RNF166: variants seen among roughly 807,000 people sequenced by gnomAD.
RNF166 encodes the protein E3 ubiquitin-protein ligase RNF166.
In RNF166, 19 loss-of-function variants were observed where a neutral mutation model predicts 29.4. That is an observed-to-expected ratio of 0.65 (90% CI 0.45 to 0.95). The LOEUF (loss-of-function observed/expected upper bound fraction) is 0.95. Among genes scored for constraint, RNF166 ranks in the 40% least tolerant of loss-of-function variants. The probability of loss-of-function intolerance (pLI) is 0.00; values close to 1 mark genes in which losing one functional copy is unlikely to be tolerated. For synonymous variants in RNF166, 171 were observed against 134.5 expected, an observed-to-expected ratio of 1.27 and a Z score of -1.88; for missense variants, 347 against 322.1, an observed-to-expected ratio of 1.08 and a Z score of -0.59.
At chr16:88,705,302 C>A (rs1273918684) in intron 1 of RNF166, among the ~76,000 whole-genome samples, 1 of 152,200 alleles carries the variant, frequency 6.6e-6, no homozygotes, top group Admixed American at 6.5e-5. Flanking sequence ...CTGGGTGCAC[C>A]CCCCTCCACT....
rs1910579851 is a variant in RNF166 at position 88,704,600 on chromosome 16, G to C, written c.155+1571C>G. The C allele has an allele frequency of 1.1e-5, 11 of 982,482 alleles. No homozygotes were observed. In the Admixed American group the frequency reaches 6.8e-4, roughly 60 times the overall value. The allele number at this position is 982,482 out of a possible 1,614,324, so 60.9% of individuals were successfully genotyped here. On this transcript the variant is annotated intron_variant, in intron 1 of 5. Coordinates refer to ENST00000312838, the MANE Select transcript of RNF166 (RefSeq NM_178841.4). Reference sequence around the variant, plus strand: ...TGTTGGCACCCAAAGCCTACGGGAGGCTTTTCTAAAACAAGGCCTAAGTCA... The same window carrying C: ...TGTTGGCACCCAAAGCCTACGGGAGCCTTTTCTAAAACAAGGCCTAAGTCA...
intron 1 of RNF166, chr16:88,702,941 C>T (rs1910401998): frequency 1.0e-6 from 1 of 985,496 alleles, no homozygotes; most frequent in Non-Finnish European, 1.2e-6. Context: ...TACTCAGGCA[C>T]TCATGGCAGG....
At position 88,703,613 on chromosome 16, in the gene RNF166, G is replaced by A. The variant is rs1910487719; in HGVS notation, c.156-2195C>T. 3 of 985,384 alleles carry A rather than the reference G, an allele frequency of 3.0e-6. No homozygotes were observed. The Admixed American group carries it at 1.8e-4, about 61-fold the overall frequency. The allele number at this position is 985,384 out of a possible 1,614,324, so 61.0% of individuals were successfully genotyped here. A position where few individuals can be genotyped will look rare whatever the true frequency, so the allele number is the denominator to read the frequency against. ...CTGGTGTTCAGAGAGCCAGCAGCCG[G>A]GAGTAGTGCCCGCTTCCCCCACAGG... is the stretch of plus-strand genomic sequence containing the variant. On this transcript the variant is annotated intron_variant, in intron 1 of 5. Coordinates refer to ENST00000312838, the MANE Select transcript of RNF166 (RefSeq NM_178841.4).
intron 2 of RNF166, chr16:88,701,034 T>C: frequency 1.4e-6 from 2 of 1,379,364 alleles, no homozygotes; most frequent in Non-Finnish European, 9.5e-7. Context: ...GCTCTGACAG[T>C]GCTACCCCCA....
In RNF166 at chr16:88,706,265, C is replaced by T; in HGVS notation, c.61G>A (p.Ala21Thr). Residue 21 changes from alanine to threonine, a missense_variant, in exon 1 of 6, where the codon GCG becomes ACG. Transcript: ENST00000312838. ...AQQRQPPAGP[A>T]GGDSGLEAQY... is the part of the protein sequence containing the mutation. The stretch of plus-strand genomic sequence containing the variant: ...GCCTCCAGGCCGCTGTCGCCGCCCG[C>T]CGGCCCGGCCGGCGGCTGCCGCTGC... 7.7e-7 allele frequency: 1 copy of T among 1,300,432 alleles called. No individual in the cohort carries two copies. Among genetic ancestry groups the T allele is most frequent in the Non-Finnish European group, 9.8e-7 (1 of 1,022,654 alleles). The allele number at this position is 1,300,432 out of a possible 1,614,324, so 80.6% of individuals were successfully genotyped here. A position where few individuals can be genotyped will look rare whatever the true frequency, so the allele number is the denominator to read the frequency against.
chr16:88,698,574 G>A lies in RNF166; in HGVS notation c.576C>T (p.Asp192=), dbSNP rs61742248. Residue 192 remains aspartate (D), a synonymous_variant, in exon 5 of 6, where the codon GAC becomes GAT. Transcript: ENST00000312838. ...CPICSAMPWG[D]PSYKSANFLQ... ...GGAAGTTGGCGCTCTTGTAGCTGGG[G>A]TCCCCCCAGGGCATTGCCGAGCAGA... 3,245 of 1,562,002 alleles carry A rather than the reference G, an allele frequency of 2.1e-3. 73 individuals are homozygous for A. The African/African-American group carries it at 0.039, about 19-fold the overall frequency.
chr16:88,702,326 G>T (rs111781596), intron 1 of RNF166, among the ~76,000 whole-genome samples: 3,748 of 152,266 alleles, frequency 0.025, 143 homozygotes, highest in African/African-American at 0.081. Context: ...CGAGGAGCTG[G>T]AACTGAGGCA....
At chr16:88,701,017 C>A in intron 2 of RNF166, 1 of 1,375,702 alleles carries the variant, frequency 7.3e-7, no homozygotes, top group South Asian at 1.5e-5. Context: ...CTGGCCCGGG[C>A]TAGGCGGCTC....
chr16:88,701,193 G>T, intron 2 of RNF166, 69 bp downstream of exon 2: 1 of 1,585,604 alleles, frequency 6.3e-7, no homozygotes, highest in Non-Finnish European at 8.6e-7. Flanking sequence ...CCCACCCTCT[G>T]CAGAACCCGT....
At chr16:88,699,962 A>C in intron 2 of RNF166, 1 of 399,562 alleles carries the variant, frequency 2.5e-6, no homozygotes, top group African/African-American at 2.1e-5. Context: ...GAGGGCAGAA[A>C]CCTGGCTGGA....
chr16:88,699,570 G>T, intron 3 of RNF166, 50 bp downstream of exon 3: 1 of 1,460,564 alleles, frequency 6.8e-7, no homozygotes, highest in Non-Finnish European at 9.4e-7. Flanking sequence ...CTCCCAGAAC[G>T]AGGAAACCGC....
At position 88,696,930 on chromosome 16, in the gene RNF166, T is replaced by C; in HGVS notation, c.*638A>G. The C allele has an allele frequency of 4.8e-6, 1 of 206,530 alleles. No homozygotes were observed. Among genetic ancestry groups the C allele is most frequent in the Non-Finnish European group, 1.0e-5 (1 of 99,810 alleles). 12.8% of individuals were successfully genotyped at this position (206,530 alleles called of 1,614,324 possible). A position where few individuals can be genotyped will look rare whatever the true frequency, so the allele number is the denominator to read the frequency against. Reference sequence around the variant, plus strand: ...ACTGCTCCTTCCATCCTTGCCCCAATCCCCCAATGCTTGTTTTGATTGTTT... The same window carrying C: ...ACTGCTCCTTCCATCCTTGCCCCAACCCCCCAATGCTTGTTTTGATTGTTT... On this transcript the variant is annotated 3_prime_UTR_variant, in exon 6 of 6. Transcript: ENST00000312838.
chr16:88,703,206 C>G, intron 1 of RNF166: 3 of 977,676 alleles, frequency 3.1e-6, no homozygotes, highest in Non-Finnish European at 3.6e-6. Context: ...GGGGGAGAGT[C>G]CTGGGTTTCT....
intron 2 of RNF166, 31 bp downstream of exon 2, chr16:88,701,231 C>T (rs543086252): frequency 5.0e-5 from 81 of 1,609,958 alleles, no homozygotes; most frequent in African/African-American, 2.5e-4. Context: ...CAAGTGACCC[C>T]GGCTCCAGGG....
At chr16:88,704,859 G>A (rs986648213) in intron 1 of RNF166, among the ~76,000 whole-genome samples, 20 of 152,114 alleles carry the variant, frequency 1.3e-4, no homozygotes, top group African/African-American at 4.3e-4. Flanking sequence ...GCGTGGTGGC[G>A]GGTGCCTGTA....
chr16:88,702,153 C>CCCTCCTGCTGCTATCTACAACTG (rs151144464), intron 1 of RNF166, among the ~76,000 whole-genome samples: 8 of 151,954 alleles, frequency 5.3e-5, no homozygotes, highest in East Asian at 1.9e-4. Flanking sequence ...GGCTCGCACA[C>CCCTCCTGCTGCTATCTACAACTG]CCTCCCGCTC....
Position 88,697,254 on chromosome 16 carries a change from G to A in RNF166, c.*314C>T, listed in dbSNP as rs1026665914. 1 of 251,054 alleles carries A rather than the reference G, an allele frequency of 4.0e-6. No individual in the cohort carries two copies. Among genetic ancestry groups the A allele is most frequent in the Non-Finnish European group, 7.7e-6 (1 of 130,256 alleles). The allele number at this position is 251,054 out of a possible 1,614,324, so 15.6% of individuals were successfully genotyped here. A position where few individuals can be genotyped will look rare whatever the true frequency, so the allele number is the denominator to read the frequency against. On this transcript the variant is annotated 3_prime_UTR_variant, in exon 6 of 6. Transcript: ENST00000312838. ...GCGTCGGTCCCTTCTTCCCACGAGG[G>A]GGTATCATGGCTTTGAAGAGACGGC...
chr16:88,697,481 G>T lies in RNF166; in HGVS notation c.*87C>A. The T allele has an allele frequency of 1.0e-6, 1 of 977,846 alleles. No homozygotes were observed. The highest frequency in any genetic ancestry group is 1.6e-6 in the Non-Finnish European group (1 of 636,370). The allele number at this position is 977,846 out of a possible 1,614,324, so 60.6% of individuals were successfully genotyped here. The stretch of plus-strand genomic sequence containing the variant: ...GCTCCTCCTGTGAGCTCAGTCCGGT[G>T]AGGTGCGCTCCCGAGCAGGTGCCAG... On this transcript the variant is annotated 3_prime_UTR_variant, in exon 6 of 6. Coordinates refer to ENST00000312838, the MANE Select transcript of RNF166 (RefSeq NM_178841.4).
chr16:88,701,903 C>A (rs942465538), intron 1 of RNF166, among the ~76,000 whole-genome samples: 1 of 152,226 alleles, frequency 6.6e-6, no homozygotes, highest in Non-Finnish European at 1.5e-5. Flanking sequence ...ATGCACTGGA[C>A]AGGGAAGGGC....
Sources: gnomAD v4.1 joint callset for allele counts (sites outside exome capture counted in the v4.1 genomes callset) on GRCh38, gnomAD v4.1.1 for gene constraint, MANE v1.5 for transcripts, NCBI Gene and HGNC (gene_info 2026-07-23, HGNC 2026-07-21) for gene names.